The following ARHGAP39 variants were observed in gnomAD, a reference collection of about 807,000 sequenced individuals.
ARHGAP39 encodes Rho GTPase activating protein 39.
In ARHGAP39, 44 loss-of-function variants were observed where a neutral mutation model predicts 106.9. The ratio of observed to expected loss-of-function variants is 0.41; its 90% confidence interval spans 0.32 to 0.53. The LOEUF is 0.53. Among genes scored for constraint, ARHGAP39 ranks in the 20% least tolerant of loss-of-function variants. The probability of loss-of-function intolerance (pLI) is 0.21; values close to 1 mark genes in which losing one functional copy is unlikely to be tolerated. For missense variants in ARHGAP39, 1,496 were observed against 1,577.3 expected, an observed-to-expected ratio of 0.95 and a Z score of 0.87; for synonymous variants, 768 against 693.2, an observed-to-expected ratio of 1.11 and a Z score of -1.69.
At chr8:144,607,600 T>C (rs1202809303) in intron 1 of ARHGAP39, among the ~76,000 whole-genome samples, 2 of 151,972 alleles carry the variant, frequency 1.3e-5, no homozygotes, top group Admixed American at 1.3e-4. Context: ...ATTCCATAGA[T>C]ACTAGCTGTG....
rs1820205716 is a variant in ARHGAP39 at position 144,604,399 on chromosome 8, C to T, written c.80+1136G>A. Among the ~76,000 whole-genome samples the T allele has an allele frequency of 6.6e-6, 1 of 152,084 alleles. No individual in the cohort carries two copies. The highest frequency in any genetic ancestry group is 2.4e-5 in the African/African-American group (1 of 41,402). ...CTATTTTACTTTATTTACTGTGACACGGGGGTCTCACGCAGTCGCTCAGGC... is the reference window on the plus strand; with the variant it reads ...CTATTTTACTTTATTTACTGTGACATGGGGGTCTCACGCAGTCGCTCAGGC... On this transcript the variant is annotated intron_variant, in intron 2 of 11. Coordinates refer to ENST00000377307, the MANE Select transcript of ARHGAP39 (RefSeq NM_025251.3). This position sits in a 1 kb window ranked among gnomAD's most constrained non-coding sequence, Gnocchi z 4.1.
chr8:144,537,621 C>T (rs969740923), intron 7 of ARHGAP39, 100 bp downstream of exon 7: 12 of 986,936 alleles, frequency 1.2e-5, no homozygotes, highest in Non-Finnish European at 1.5e-5. Context: ...CCCCATCCCC[C>T]CCGCCCAGAA....
chr8:144,652,634 T>C (rs1480932144), intron 1 of ARHGAP39, among the ~76,000 whole-genome samples: 1 of 152,194 alleles, frequency 6.6e-6, no homozygotes, highest in Admixed American at 6.5e-5. Flanking sequence ...CTGGAGGCTA[T>C]TCTCCTTAGC....
intron 1 of ARHGAP39, among the ~76,000 whole-genome samples, chr8:144,674,787 G>A (rs897895941): frequency 9.2e-5 from 14 of 152,224 alleles, no homozygotes; most frequent in Admixed American, 6.5e-5. Flanking sequence ...CCCAAAGTCC[G>A]AAGGCGGCCG....
At chr8:144,563,497 C>T (rs916533855) in intron 3 of ARHGAP39, among the ~76,000 whole-genome samples, 1 of 152,076 alleles carries the variant, frequency 6.6e-6, no homozygotes, top group Non-Finnish European at 1.5e-5. Flanking sequence ...CTGAAAAGGG[C>T]TTGGCACCCT....
At chr8:144,559,788 A>G (rs1384635924) in intron 3 of ARHGAP39, among the ~76,000 whole-genome samples, 2 of 152,242 alleles carry the variant, frequency 1.3e-5, no homozygotes, top group Non-Finnish European at 2.9e-5. Context: ...TCTAAATACA[A>G]AATTCATTTA....
Position 144,530,358 on chromosome 8 carries a change from G to A in ARHGAP39, c.*64C>T, listed in dbSNP as rs190879743. 7.0e-4 allele frequency: 1,053 copies of A among 1,494,942 alleles called. 6 individuals carry two copies. In the African/African-American group the frequency reaches 0.013, roughly 19 times the overall value. The allele number at this position is 1,494,942 out of a possible 1,614,324, so 92.6% of individuals were successfully genotyped here. A position where few individuals can be genotyped will look rare whatever the true frequency, so the allele number is the denominator to read the frequency against. The stretch of plus-strand genomic sequence containing the variant: ...CGATTCTGGCCCCTCTGCCGGGAGA[G>A]CGAGTGCGGAGTTCGGCCTGGCTGG... On this transcript the variant is annotated 3_prime_UTR_variant, in exon 12 of 12. Transcript: ENST00000377307.
intron 3 of ARHGAP39, among the ~76,000 whole-genome samples, chr8:144,564,159 T>A (rs970609625): frequency 6.6e-6 from 1 of 152,232 alleles, no homozygotes; most frequent in African/African-American, 2.4e-5. Flanking sequence ...TATTTGGCAG[T>A]AGCTCTCTGT....
chr8:144,673,999 G>A (rs971402311), intron 1 of ARHGAP39, among the ~76,000 whole-genome samples: 1 of 152,240 alleles, frequency 6.6e-6, no homozygotes, highest in African/African-American at 2.4e-5. Flanking sequence ...CCAGAAGCTT[G>A]GAGATGCCAG....
At position 144,530,345 on chromosome 8, in the gene ARHGAP39, C is replaced by T. The variant is rs1464750180; in HGVS notation, c.*77G>A. 2 of 1,469,270 alleles carry T rather than the reference C, an allele frequency of 1.4e-6. No individual in the cohort carries two copies. Among genetic ancestry groups the T allele is most frequent in the African/African-American group, 2.8e-5 (2 of 71,760 alleles). The allele number at this position is 1,469,270 out of a possible 1,614,324, so 91.0% of individuals were successfully genotyped here. A position where few individuals can be genotyped will look rare whatever the true frequency, so the allele number is the denominator to read the frequency against. ...GGGCTGGGCCGGGCGATTCTGGCCC[C>T]TCTGCCGGGAGAGCGAGTGCGGAGT... On this transcript the variant is annotated 3_prime_UTR_variant, in exon 12 of 12. Transcript: ENST00000377307.
chr8:144,544,789 C>A (rs1817339135), intron 6 of ARHGAP39, among the ~76,000 whole-genome samples: 1 of 152,258 alleles, frequency 6.6e-6, no homozygotes, highest in South Asian at 2.1e-4. Flanking sequence ...CAAGCTCCTG[C>A]CTGCTCACAG....
chr8:144,562,526 T>C (rs1159974313), intron 3 of ARHGAP39, among the ~76,000 whole-genome samples: 2 of 149,856 alleles, frequency 1.3e-5, no homozygotes, highest in African/African-American at 5.0e-5. Flanking sequence ...GTGGTTTCCA[T>C]CGGACTCCAG....
Position 144,530,806 on chromosome 8 carries a change from G to GCTC in ARHGAP39, c.3043_3045dup (p.Glu1015dup). ...GGGCTGTCGTAGTGCGCGATGCACTGCTCGTAGAACTCGTGCGGGATCAGG... is the reference window on the plus strand; with the variant it reads ...GGGCTGTCGTAGTGCGCGATGCACTGCTCCTCGTAGAACTCGTGCGGGATCAGG... On this transcript the variant is annotated inframe_insertion, in exon 11 of 12. Transcript: ENST00000377307. 6.2e-7 allele frequency: 1 copy of GCTC among 1,612,050 alleles called. No homozygotes were observed. Among genetic ancestry groups the GCTC allele is most frequent in the Non-Finnish European group, 8.5e-7 (1 of 1,179,762 alleles).
intron 2 of ARHGAP39, among the ~76,000 whole-genome samples, chr8:144,588,708 C>T (rs1819274156): frequency 6.6e-6 from 1 of 152,240 alleles, no homozygotes; most frequent in African/African-American, 2.4e-5. Flanking sequence ...GACTCACAGC[C>T]GGAGGCAGCA....
intron 2 of ARHGAP39, among the ~76,000 whole-genome samples, chr8:144,603,977 G>A (rs772368618): frequency 6.6e-5 from 10 of 151,992 alleles, no homozygotes; most frequent in Non-Finnish European, 1.3e-4. Context: ...TATCAACCCC[G>A]AAAAAACCCA....
chr8:144,548,584 A>AC lies in ARHGAP39; in HGVS notation c.597-96dup. On this transcript the variant is annotated intron_variant, in intron 4 of 11. Transcript: ENST00000377307. The surrounding 1 kb of genome is among the most constrained non-coding windows in gnomAD (Gnocchi z 7.4). ...GGGCTGTAGGCAGCGGCTCCCGCGA[A>AC]CCCTCTGTTGTACACCTTCCTCGCT... 2.0e-6 allele frequency: 3 copies of AC among 1,464,094 alleles called. No homozygotes were observed. The South Asian group carries it at 4.0e-5, about 20-fold the overall frequency. 90.7% of individuals were successfully genotyped at this position (1,464,094 alleles called of 1,614,324 possible). A position where few individuals can be genotyped will look rare whatever the true frequency, so the allele number is the denominator to read the frequency against.
chr8:144,561,150 T>G (rs531550264), intron 3 of ARHGAP39, among the ~76,000 whole-genome samples: 1 of 152,330 alleles, frequency 6.6e-6, no homozygotes, highest in Non-Finnish European at 1.5e-5. Flanking sequence ...CCCAGCGGTT[T>G]CCATCACACC....
At chr8:144,577,486 C>T (rs1818819582) in intron 3 of ARHGAP39, among the ~76,000 whole-genome samples, 1 of 151,896 alleles carries the variant, frequency 6.6e-6, no homozygotes, top group Admixed American at 6.6e-5. Flanking sequence ...ACAAGGATGC[C>T]CCTTCACCAC....
intron 2 of ARHGAP39, among the ~76,000 whole-genome samples, chr8:144,600,502 AC>A (rs1463804372): frequency 4.0e-5 from 5 of 123,740 alleles, no homozygotes; most frequent in Non-Finnish European, 8.1e-5. Flanking sequence ...ACACTTGGGT[AC>A]CTACCTGCGT....
Sources: allele counts gnomAD v4.1 joint callset (sites outside exome capture counted in the v4.1 genomes callset), GRCh38; gene constraint gnomAD v4.1.1; non-coding constraint Gnocchi (gnomAD v3.1); transcripts MANE v1.5; gene names NCBI Gene and HGNC (gene_info 2026-07-23, HGNC 2026-07-21).